The following SLC26A8 variants were observed in gnomAD, a reference collection of about 807,000 sequenced individuals.
The protein encoded by SLC26A8 is testis anion transporter 1.
In SLC26A8, 70 loss-of-function variants were observed where a neutral mutation model predicts 105.0. The ratio of observed to expected loss-of-function variants is 0.67; its 90% CI spans 0.55 to 0.81. SLC26A8 has a LOEUF of 0.81. SLC26A8 is among the 40% of genes least tolerant of loss of function. The pLI, the probability that SLC26A8 is intolerant of heterozygous loss-of-function variation, is 0.00. For synonymous variants in SLC26A8, 415 were observed against 438.3 expected, an observed-to-expected ratio of 0.95 and a Z score of 0.66; for missense variants, 998 against 1,181.8, an observed-to-expected ratio of 0.84 and a Z score of 2.28.
intron 7 of SLC26A8, among the ~76,000 whole-genome samples, chr6:35,983,445 T>G (rs1168467713): frequency 6.6e-6 from 1 of 152,242 alleles, no homozygotes; most frequent in Admixed American, 6.5e-5. Context: ...TATGAACATA[T>G]GTATAATTTC....
chr6:35,969,755 A>G (rs1391804403), intron 10 of SLC26A8: 3 of 152,072 alleles, frequency 2.0e-5, no homozygotes, highest in Admixed American at 2.0e-4. Flanking sequence ...AAAAAACACA[A>G]AGATAATCAC....
rs1772349938 is a variant in SLC26A8, at chr6:35,962,516, C to T, written c.1461+10G>A. 1.2e-6 allele frequency: 2 copies of T among 1,611,732 alleles called. No homozygotes were observed. The highest frequency in any genetic ancestry group is 1.7e-6 in the Non-Finnish European group (2 of 1,177,952). ...CCCTCCCCTTCCTCAGCCAGGGCAT[C>T]TACACTCACACAGTCATATTGGTCC... On this transcript the variant is annotated intron_variant, in intron 12 of 19. Coordinates refer to ENST00000490799, the MANE Select transcript of SLC26A8 (RefSeq NM_052961.4).
Position 36,008,244 on chromosome 6 carries a change from T to A in SLC26A8, c.328+3989A>T, listed in dbSNP as rs665329. On this transcript the variant is annotated intron_variant, in intron 3 of 19. Coordinates refer to ENST00000490799, the MANE Select transcript of SLC26A8 (RefSeq NM_052961.4). ...AGGAGTTCTAGACTGCAGTGAGCTATGTTCACACCACTGCACTCCTGCCTG... is the reference window on the plus strand; with the variant it reads ...AGGAGTTCTAGACTGCAGTGAGCTAAGTTCACACCACTGCACTCCTGCCTG... 2.0e-5 allele frequency among the ~76,000 whole-genome samples: 3 copies of A among 151,928 alleles called. No individual in the cohort carries two copies. In the East Asian group the frequency reaches 5.8e-4, roughly 29 times the overall value.
chr6:35,946,772 C>CA, intron 19 of SLC26A8, among the ~76,000 whole-genome samples: 1 of 152,234 alleles, frequency 6.6e-6, no homozygotes, highest in East Asian at 1.9e-4. Flanking sequence ...ACTGTGACCT[C>CA]AAACTACTGG....
At chr6:35,979,214 A>G (rs2127327335) in intron 8 of SLC26A8, among the ~76,000 whole-genome samples, 1 of 151,968 alleles carries the variant, frequency 6.6e-6, no homozygotes, top group African/African-American at 2.4e-5. Flanking sequence ...ACGGTGGCTC[A>G]CGCTTGTAAT....
chr6:36,017,289 G>A (rs1357254750), intron 2 of SLC26A8, among the ~76,000 whole-genome samples: 1 of 152,086 alleles, frequency 6.6e-6, no homozygotes. Context: ...GGCACCAAAA[G>A]TCCAGGCAAC....
At chr6:36,002,962 C>T (rs565079322) in intron 3 of SLC26A8, among the ~76,000 whole-genome samples, 1 of 152,280 alleles carries the variant, frequency 6.6e-6, no homozygotes, top group South Asian at 2.1e-4. Context: ...CCTCAGCCTT[C>T]CAAAGTGCTG....
chr6:35,982,029 G>T, intron 8 of SLC26A8, 92 bp downstream of exon 8: 1 of 1,334,206 alleles, frequency 7.5e-7, no homozygotes, highest in Non-Finnish European at 1.1e-6. Context: ...GCCAGAGACT[G>T]CTAGTAGAAA....
intron 17 of SLC26A8, among the ~76,000 whole-genome samples, chr6:35,952,379 C>G (rs1771909874): frequency 1.3e-5 from 2 of 152,154 alleles, no homozygotes; most frequent in African/African-American, 4.8e-5. Flanking sequence ...CAGATGTTTA[C>G]TATCAGATAA....
intron 1 of SLC26A8, 46 bp from the exon 2 acceptor site, chr6:36,019,755 C>T: frequency 6.6e-7 from 1 of 1,507,120 alleles, no homozygotes; most frequent in Non-Finnish European, 8.9e-7. Context: ...TTTCAGTAAT[C>T]CAGATCCTCG....
At chr6:36,013,010 T>A (rs1327672901) in intron 2 of SLC26A8, among the ~76,000 whole-genome samples, 6 of 152,154 alleles carry the variant, frequency 3.9e-5, no homozygotes, top group Non-Finnish European at 8.8e-5. Context: ...ACCAAACATT[T>A]ACTCTGTCTG....
chr6:35,964,172 G>A (rs1169050106), intron 11 of SLC26A8, among the ~76,000 whole-genome samples: 2 of 152,106 alleles, frequency 1.3e-5, no homozygotes, highest in Admixed American at 6.5e-5. Context: ...TCATGCCACT[G>A]CACTCCAGCC....
rs1772635196 is a variant in SLC26A8 at position 35,968,611 on chromosome 6, ATAT to A, written c.1365+263_1365+265del. 4.3e-3 allele frequency among the ~76,000 whole-genome samples: 189 copies of A among 44,112 alleles called. 4 individuals are homozygous for A. Among genetic ancestry groups the A allele is most frequent in the South Asian group, 0.023 (29 of 1,260 alleles). The allele number at this position is 44,112 out of a possible 152,430, so 28.9% of individuals were successfully genotyped here. On this transcript the variant is annotated intron_variant, in intron 11 of 19. Transcript: ENST00000490799. ...TGTATGTGTGTGTGTGTGTGTGTGTATATATATATATATATATATATATATATA... is the reference window on the plus strand; with the variant it reads ...TGTATGTGTGTGTGTGTGTGTGTGTAATATATATATATATATATATATATA...
chr6:35,980,060 A>G (rs1480683848), intron 8 of SLC26A8, among the ~76,000 whole-genome samples: 1 of 152,002 alleles, frequency 6.6e-6, no homozygotes, highest in African/African-American at 2.4e-5. Context: ...GCAACCTCCA[A>G]CTCCCGGGTT....
chr6:35,971,309 G>A (rs1242318233), intron 10 of SLC26A8, among the ~76,000 whole-genome samples: 2 of 152,176 alleles, frequency 1.3e-5, no homozygotes, highest in Non-Finnish European at 2.9e-5. Flanking sequence ...TACATCTCAT[G>A]CATGCTTTGT....
intron 11 of SLC26A8, among the ~76,000 whole-genome samples, chr6:35,966,165 AG>A (rs1772510928): frequency 1.3e-5 from 2 of 152,234 alleles, no homozygotes; most frequent in South Asian, 4.1e-4. Flanking sequence ...TGGCTTTCTG[AG>A]GGTACCCAGT....
intron 1 of SLC26A8, among the ~76,000 whole-genome samples, chr6:36,023,098 A>G (rs851027): frequency 0.69 from 104,310 of 151,140 alleles, 36,401 homozygotes; most frequent in Middle Eastern, 0.74. Flanking sequence ...TCAGTGCTAA[A>G]TTTGGGGGCC....
At chr6:35,984,722 C>T (rs1296464303) in intron 7 of SLC26A8, among the ~76,000 whole-genome samples, 1 of 152,144 alleles carries the variant, frequency 6.6e-6, no homozygotes, top group East Asian at 1.9e-4. Context: ...TTCCTTATAA[C>T]TCTGGTTCAT....
chr6:36,010,617 C>T (rs1307387860), intron 3 of SLC26A8, among the ~76,000 whole-genome samples: 1 of 148,172 alleles, frequency 6.7e-6, no homozygotes, highest in African/African-American at 2.5e-5. Context: ...TGGCTCACTG[C>T]AACCTCCACC....
Sources: gnomAD v4.1 joint callset for allele counts (sites outside exome capture counted in the v4.1 genomes callset) on GRCh38, gnomAD v4.1.1 for gene constraint, MANE v1.5 for transcripts, NCBI Gene and HGNC (gene_info 2026-07-23, HGNC 2026-07-21) for gene names.